The following XKR9 variants were observed in gnomAD, a reference collection of about 807,000 sequenced individuals.
The protein encoded by XKR9 is XK-related protein 9.
In XKR9, 32 loss-of-function variants were observed where a neutral mutation model predicts 32.0. The ratio of observed to expected loss-of-function variants is 1.00; its 90% CI spans 0.76 to 1.34. The LOEUF is 1.34. Ranked by LOEUF, XKR9 falls within the 40% of genes most tolerant of loss-of-function variation. The pLI is 0.00. For synonymous variants in XKR9, 168 were observed against 143.4 expected, an observed-to-expected ratio of 1.17 and a Z score of -1.22; for missense variants, 546 against 429.7, an observed-to-expected ratio of 1.27 and a Z score of -2.39.
intron 4 of XKR9, among the ~76,000 whole-genome samples, chr8:70,725,676 C>T (rs1167052496): frequency 3.9e-5 from 6 of 151,968 alleles, no homozygotes; most frequent in South Asian, 2.1e-4. Context: ...GAGGCTGAGG[C>T]GAGCAGATCA....
At chr8:70,866,487 GC>G in the XKR9 span, among the ~76,000 whole-genome samples, 1 of 152,148 alleles carries the variant, frequency 6.6e-6, no homozygotes, top group African/African-American at 2.4e-5. Flanking sequence ...TAGAGAATGA[GC>G]CAGTTAGCTA....
chr8:70,776,921 CTT>C (rs1491446558), intron 2 of XKR9, among the ~76,000 whole-genome samples: 31 of 79,826 alleles, frequency 3.9e-4, no homozygotes, highest in South Asian at 5.3e-4. Flanking sequence ...TTTTCTCTTT[CTT>C]TCTCTCTCTC....
chr8:70,751,054 C>T (rs186258637), intron 2 of XKR9, among the ~76,000 whole-genome samples: 4 of 152,282 alleles, frequency 2.6e-5, no homozygotes, highest in Admixed American at 2.6e-4. Context: ...ACTTGAACTG[C>T]AGTATTGGCT....
chr8:70,853,927 T>C, the XKR9 span, among the ~76,000 whole-genome samples: 1 of 152,228 alleles, frequency 6.6e-6, no homozygotes, highest in Non-Finnish European at 1.5e-5. Flanking sequence ...CAGTCTATCA[T>C]TGTTGGACGT....
At chr8:70,806,536 C>T in the XKR9 span, among the ~76,000 whole-genome samples, 1 of 152,174 alleles carries the variant, frequency 6.6e-6, no homozygotes, top group Non-Finnish European at 1.5e-5. Context: ...ATTAAAGGAG[C>T]TGCTAACTAG....
chr8:70,938,585 A>G, the XKR9 span, among the ~76,000 whole-genome samples: 7 of 152,226 alleles, frequency 4.6e-5, no homozygotes, highest in African/African-American at 1.7e-4. Flanking sequence ...CACAGGGAAT[A>G]TGACCATTGC....
the XKR9 span, among the ~76,000 whole-genome samples, chr8:70,916,532 C>A: frequency 6.6e-6 from 1 of 152,070 alleles, no homozygotes; most frequent in African/African-American, 2.4e-5. Flanking sequence ...AAAAAACTAC[C>A]CTATTTTAAT....
chr8:70,947,027 G>C, the XKR9 span, among the ~76,000 whole-genome samples: 10 of 152,148 alleles, frequency 6.6e-5, no homozygotes, highest in Admixed American at 1.3e-4. Flanking sequence ...AGAAATCTAG[G>C]CATAAGGCAG....
the XKR9 span, among the ~76,000 whole-genome samples, chr8:70,994,173 T>G: frequency 9.2e-5 from 14 of 152,132 alleles, no homozygotes; most frequent in African/African-American, 2.7e-4. Context: ...AGTCAAAGAT[T>G]AATTAACCTT....
At chr8:71,006,970 T>C in the XKR9 span, among the ~76,000 whole-genome samples, 2 of 152,210 alleles carry the variant, frequency 1.3e-5, no homozygotes, top group Non-Finnish European at 2.9e-5. Flanking sequence ...TTGTAGAGCC[T>C]GGAATAATGG....
chr8:70,857,986 A>G, the XKR9 span, among the ~76,000 whole-genome samples: 1 of 152,180 alleles, frequency 6.6e-6, no homozygotes, highest in Non-Finnish European at 1.5e-5. Flanking sequence ...AGAGCTATCT[A>G]ATGAAAACCC....
chr8:70,703,909 G>A (rs1032207592), intron 3 of XKR9, among the ~76,000 whole-genome samples: 2 of 152,080 alleles, frequency 1.3e-5, no homozygotes, highest in African/African-American at 2.4e-5. Context: ...CAGGCTGGGC[G>A]TGGTACCTCA....
downstream of XKR9, among the ~76,000 whole-genome samples, chr8:70,740,046 A>T (rs1025662971): frequency 2.3e-4 from 35 of 152,298 alleles, no homozygotes; most frequent in African/African-American, 8.2e-4. Context: ...TCTCCTGGAT[A>T]ATATCCTGCA....
At chr8:70,696,434 T>G (rs1229869438) in intron 3 of XKR9, among the ~76,000 whole-genome samples, 1 of 151,712 alleles carries the variant, frequency 6.6e-6, no homozygotes, top group African/African-American at 2.4e-5. Context: ...ATTTATTAAA[T>G]AGGGAATCCT....
the XKR9 span, among the ~76,000 whole-genome samples, chr8:71,046,728 T>C: frequency 2.0e-5 from 3 of 152,194 alleles, no homozygotes; most frequent in Non-Finnish European, 4.4e-5. Context: ...AGAGATCGAC[T>C]CCTCAGGGAA....
In XKR9 at chr8:70,672,998, T is replaced by C. The variant is rs1056505045; in HGVS notation, c.-360-1820T>C. Among the ~76,000 whole-genome samples the C allele has an allele frequency of 2.0e-5, 3 of 152,204 alleles. No homozygotes were observed. In the South Asian group the frequency reaches 6.2e-4, roughly 31 times the overall value. ...GATGAATAGTTTGCAAATATTTTCT[T>C]CTGTTCAGCAGATGTCTCTGCACCC... On this transcript the variant is annotated intron_variant, in intron 1 of 4. Transcript: ENST00000408926.
the XKR9 span, among the ~76,000 whole-genome samples, chr8:70,874,134 A>G: frequency 6.6e-6 from 1 of 152,226 alleles, no homozygotes; most frequent in Non-Finnish European, 1.5e-5. Context: ...AGACCACAGT[A>G]TAGTGTAAAC....
chr8:71,035,351 G>C, the XKR9 span, among the ~76,000 whole-genome samples: 2 of 152,112 alleles, frequency 1.3e-5, no homozygotes, highest in Admixed American at 1.3e-4. Flanking sequence ...TTGATTTCTA[G>C]GGGTCCAAGA....
At chr8:70,953,933 A>G in the XKR9 span, among the ~76,000 whole-genome samples, 48,402 of 152,134 alleles carry the variant, frequency 0.32, 9,043 homozygotes, top group Non-Finnish European at 0.43. Flanking sequence ...AAAGGAAGCC[A>G]GGGAAAGAGC....
Sources: allele counts gnomAD v4.1 joint callset (sites outside exome capture counted in the v4.1 genomes callset), GRCh38; gene constraint gnomAD v4.1.1; transcripts MANE v1.5; gene names NCBI Gene and HGNC (gene_info 2026-07-23, HGNC 2026-07-21).